Variants in PLXDC2 observed in about 807,000 individuals in gnomAD.
PLXDC2 encodes plexin domain-containing protein 2.
PLXDC2 carries 40 observed loss-of-function variants against 68.9 expected under a neutral mutation model. The ratio of observed to expected loss-of-function variants is 0.58; its 90% CI spans 0.45 to 0.76. PLXDC2 has a LOEUF of 0.76. PLXDC2 is among the 30% of genes least tolerant of loss of function. The pLI is 0.00. For synonymous variants in PLXDC2, 243 were observed against 234.2 expected (o/e 1.04, Z -0.34); for missense variants, 644 against 661.9 (o/e 0.97, Z 0.30).
In PLXDC2 at chr10:19,988,776, CTTTTTTTTTTTTTTTTTTTTTTTT is replaced by C. The variant is rs552950916; in HGVS notation, c.113-12985_113-12962del. Among the ~76,000 whole-genome samples, 133 of 45,492 alleles carry C rather than the reference CTTTTTTTTTTTTTTTTTTTTTTTT, an allele frequency of 2.9e-3. 2 individuals carry two copies. The highest frequency in any genetic ancestry group is 0.011 in the African/African-American group (129 of 11,700). 29.8% of individuals were successfully genotyped at this position (45,492 alleles called of 152,430 possible). A position where few individuals can be genotyped will look rare whatever the true frequency, so the allele number is the denominator to read the frequency against. ...AGTTAGGGTTAAGTTAATAATGCCA[CTTTTTTTTTTTTTTTTTTTTTTTT>C]TTTTTTTTTTTTTGAGATGGAGTCT... On this transcript the variant is annotated intron_variant, in intron 1 of 13. Transcript: ENST00000377252.
intron 9 of PLXDC2, among the ~76,000 whole-genome samples, chr10:20,187,793 A>T (rs114756739): frequency 6.6e-6 from 1 of 151,944 alleles, no homozygotes; most frequent in African/African-American, 2.4e-5. Context: ...TCTCGATGAC[A>T]CTTTCATAAT....
At chr10:20,195,698 C>A (rs1834827979) in intron 9 of PLXDC2, among the ~76,000 whole-genome samples, 1 of 152,044 alleles carries the variant, frequency 6.6e-6, no homozygotes, top group African/African-American at 2.4e-5. Flanking sequence ...AAAGATGTTT[C>A]CTTGATGAGG....
chr10:20,231,144 C>A (rs189291308), intron 12 of PLXDC2, among the ~76,000 whole-genome samples: 1 of 151,458 alleles, frequency 6.6e-6, no homozygotes, highest in African/African-American at 2.4e-5. Flanking sequence ...TAAATATATA[C>A]AATTTTTATT....
chr10:20,059,630 C>A (rs997390969), intron 3 of PLXDC2, among the ~76,000 whole-genome samples: 2 of 152,108 alleles, frequency 1.3e-5, no homozygotes, highest in Non-Finnish European at 2.9e-5. Flanking sequence ...AAAGAAGTAG[C>A]CAGTTCTCTG....
chr10:19,978,544 G>T (rs1834496845), intron 1 of PLXDC2, among the ~76,000 whole-genome samples: 1 of 152,102 alleles, frequency 6.6e-6, no homozygotes, highest in African/African-American at 2.4e-5. Flanking sequence ...AAGTTTTCAT[G>T]TTCAGATTTA....
intron 2 of PLXDC2, among the ~76,000 whole-genome samples, chr10:20,044,112 CT>C (rs1835733686): frequency 7.5e-6 from 1 of 133,910 alleles, no homozygotes. Flanking sequence ...TCCTTCCTTC[CT>C]TCCTTCCTTC....
At chr10:19,823,407 G>A (rs1029416063) in intron 1 of PLXDC2, among the ~76,000 whole-genome samples, 6 of 151,976 alleles carry the variant, frequency 3.9e-5, no homozygotes, top group Admixed American at 1.3e-4. Context: ...TCGGCTGGGC[G>A]TGGTGGCTCA....
At chr10:19,887,554 A>G (rs1381398237) in intron 1 of PLXDC2, among the ~76,000 whole-genome samples, 1 of 152,108 alleles carries the variant, frequency 6.6e-6, no homozygotes, top group Non-Finnish European at 1.5e-5. Context: ...AAAAACAAAA[A>G]AAACCCCGAA....
intron 12 of PLXDC2, among the ~76,000 whole-genome samples, chr10:20,230,304 A>G (rs75695195): frequency 0.044 from 6,751 of 152,264 alleles, 240 homozygotes; most frequent in Admixed American, 0.097. Flanking sequence ...TGGAATGCCT[A>G]TATAAATATC....
chr10:20,019,835 A>G (rs1481512721), intron 2 of PLXDC2, among the ~76,000 whole-genome samples: 2 of 152,146 alleles, frequency 1.3e-5, no homozygotes, highest in African/African-American at 2.4e-5. Context: ...CTAAGCTGCC[A>G]TGGCAGCACA....
intron 9 of PLXDC2, among the ~76,000 whole-genome samples, chr10:20,187,782 A>G (rs770626649): frequency 2.3e-4 from 35 of 151,906 alleles, no homozygotes; most frequent in Non-Finnish European, 4.4e-4. Context: ...ATCAGAATCG[A>G]TCTCGATGAC....
At chr10:20,147,680 C>A (rs1834097640) in intron 5 of PLXDC2, 104 bp from the exon 6 acceptor site, 2 of 652,228 alleles carry the variant, frequency 3.1e-6, no homozygotes, top group South Asian at 4.5e-5. Context: ...GTACAACTAC[C>A]AGATTTGAAG....
At chr10:20,051,698 A>T (rs1835904751) in intron 3 of PLXDC2, among the ~76,000 whole-genome samples, 1 of 151,886 alleles carries the variant, frequency 6.6e-6, no homozygotes, top group Non-Finnish European at 1.5e-5. Context: ...TATTAGTATA[A>T]AAAACAAATC....
At chr10:19,904,039 T>A (rs1838202799) in intron 1 of PLXDC2, among the ~76,000 whole-genome samples, 1 of 152,184 alleles carries the variant, frequency 6.6e-6, no homozygotes, top group African/African-American at 2.4e-5. Flanking sequence ...CACTACGATC[T>A]GGGAGAGTAC....
intron 4 of PLXDC2, among the ~76,000 whole-genome samples, chr10:20,092,836 C>T (rs1032094654): frequency 8.6e-5 from 13 of 151,792 alleles, no homozygotes; most frequent in African/African-American, 2.4e-4. Context: ...AATGCAACCA[C>T]GGGGAAAGAG....
At chr10:20,057,244 A>G (rs1183171303) in intron 3 of PLXDC2, among the ~76,000 whole-genome samples, 1 of 151,858 alleles carries the variant, frequency 6.6e-6, no homozygotes, top group Non-Finnish European at 1.5e-5. Context: ...TAAATGGAAT[A>G]TAATTTTTTT....
At chr10:19,903,324 T>G (rs1453363311) in intron 1 of PLXDC2, among the ~76,000 whole-genome samples, 1 of 147,170 alleles carries the variant, frequency 6.8e-6, no homozygotes, top group Non-Finnish European at 1.5e-5. Context: ...TTTGTTGGCT[T>G]TTTTTTTTTT....
rs182705899 is a variant in PLXDC2, at chr10:20,276,547, A to G, written c.1474-3156A>G. ...AGAAATGAAATTAGAAATCACCCAC[A>G]CACTGCACCCAGTAATGTTTTAAGA... On this transcript the variant is annotated intron_variant, in intron 13 of 13. Transcript: ENST00000377252. 5.9e-5 allele frequency among the ~76,000 whole-genome samples: 9 copies of G among 152,308 alleles called. No individual in the cohort carries two copies. The South Asian group carries it at 8.3e-4, about 14-fold the overall frequency.
chr10:19,910,950 A>G (rs1395759583), intron 1 of PLXDC2, among the ~76,000 whole-genome samples: 1 of 152,162 alleles, frequency 6.6e-6, no homozygotes, highest in Non-Finnish European at 1.5e-5. Flanking sequence ...CAAAGGTTGC[A>G]GTGAGCTGAG....
Sources: gnomAD v4.1 joint callset for allele counts (sites outside exome capture counted in the v4.1 genomes callset) on GRCh38, gnomAD v4.1.1 for gene constraint, MANE v1.5 for transcripts, NCBI Gene and HGNC (gene_info 2026-07-23, HGNC 2026-07-21) for gene names.